The following PER2 variants were observed in gnomAD, a reference collection of about 807,000 sequenced individuals.
The protein encoded by PER2 is period circadian protein homolog 2.
PER2 carries 66 observed loss-of-function variants against 121.0 expected under a neutral mutation model. The ratio of observed to expected loss-of-function variants is 0.55; its 90% CI spans 0.45 to 0.67. The LOEUF is 0.67. PER2 is among the 30% of genes least tolerant of loss of function. PER2 has a pLI of 0.00. For missense variants in PER2, 1,521 were observed against 1,635.0 expected (o/e 0.93, Z 1.20); for synonymous variants, 684 against 659.9 (o/e 1.04, Z -0.56).
At position 238,251,676 on chromosome 2, in the gene PER2, C is replaced by G. The variant is rs1695604444; in HGVS notation, c.3197G>C (p.Cys1066Ser). ...LLNLLLNEDLCSASGSAASES... is the reference protein window; with the variant it reads ...LLNLLLNEDLSSASGSAASES... ...CGAAGCAGCAGAGCCCGAGGCTGAG[C>G]AGAGGTCCTCATTCAGCAGGAGGTT... The change falls in exon 20 of 23, where the codon TGC (cysteine) becomes TCC (serine). Residue 1066 changes from cysteine (C) to serine (S), a missense_variant. Coordinates refer to ENST00000254657, the MANE Select transcript of PER2 (RefSeq NM_022817.3). 1 of 1,614,030 alleles carries G rather than the reference C, an allele frequency of 6.2e-7. No homozygotes were observed. The highest frequency in any genetic ancestry group is 8.5e-7 in the Non-Finnish European group (1 of 1,179,864).
At chr2:238,263,140 A>G in intron 9 of PER2, 82 bp from the exon 10 acceptor site, 1 of 883,076 alleles carries the variant, frequency 1.1e-6, no homozygotes, top group East Asian at 2.6e-5. Flanking sequence ...TATTCCCTGG[A>G]AAGAGAAGAT....
intron 22 of PER2, 138 bp from the exon 23 acceptor site, chr2:238,246,662 G>A (rs1039960799): frequency 3.8e-5 from 22 of 576,404 alleles, no homozygotes; most frequent in African/African-American, 2.8e-4. Flanking sequence ...AGATCACGAC[G>A]TCAGGAGATC....
chr2:238,283,491 G>A (rs1176821775), intron 1 of PER2, among the ~76,000 whole-genome samples: 1 of 152,264 alleles, frequency 6.6e-6, no homozygotes, highest in Admixed American at 6.5e-5. Flanking sequence ...GAACATTCTA[G>A]GCAGGGGGAC....
chr2:238,289,287 A>G (rs1324319277), upstream of PER2: 1 of 152,146 alleles, frequency 6.6e-6, no homozygotes, highest in Non-Finnish European at 1.5e-5. Context: ...ATTCACATTC[A>G]TTCATTTACT....
At position 238,268,990 on chromosome 2, in the gene PER2, CAA is replaced by C. The variant is rs751202516; in HGVS notation, c.773-18_773-17del. The C allele has an allele frequency of 4.4e-6, 7 of 1,592,902 alleles. No individual in the cohort carries two copies. In the African/African-American group the frequency reaches 9.4e-5, roughly 21 times the overall value. ...GTAAAAGAATCTAAAAGAGAGAGCC[CAA>C]AGTCATTCATCCAAACCAACAACTA... On this transcript the variant is annotated splice_polypyrimidine_tract_variant and intron_variant, in intron 6 of 22. Coordinates refer to ENST00000254657, the MANE Select transcript of PER2 (RefSeq NM_022817.3). The surrounding 1 kb of genome is among the most constrained non-coding windows in gnomAD (Gnocchi z 4.0).
intron 12 of PER2, 131 bp from the exon 13 acceptor site, chr2:238,261,084 G>GGTT: frequency 8.8e-7 from 1 of 1,140,106 alleles, no homozygotes; most frequent in Non-Finnish European, 1.2e-6. Context: ...GAGACCAGGG[G>GGTT]AGCTGAGGTT....
intron 5 of PER2, among the ~76,000 whole-genome samples, chr2:238,272,597 T>TCG (rs1696323463): frequency 6.6e-6 from 1 of 152,238 alleles, no homozygotes. Context: ...GGCTGAGAAC[T>TCG]CAGAGTGGTA....
chr2:238,249,900 C>T (rs4280405), intron 21 of PER2, among the ~76,000 whole-genome samples: 23,551 of 152,270 alleles, frequency 0.15, 2,421 homozygotes, highest in East Asian at 0.27. Flanking sequence ...CTTCCCTGGC[C>T]CCGCAGGACT....
chr2:238,297,615 G>T, the PER2 span, among the ~76,000 whole-genome samples: 1 of 152,346 alleles, frequency 6.6e-6, no homozygotes, highest in Non-Finnish European at 1.5e-5. Flanking sequence ...TCCCTGCAGG[G>T]CAGTGGCAGA....
intron 12 of PER2, among the ~76,000 whole-genome samples, chr2:238,261,246 G>C (rs949863755): frequency 6.6e-6 from 1 of 152,214 alleles, no homozygotes; most frequent in Non-Finnish European, 1.5e-5. Flanking sequence ...TCTGTGGATG[G>C]GTTTAAAACA....
At chr2:238,269,333 A>G (rs2106315129) in intron 6 of PER2, among the ~76,000 whole-genome samples, 1 of 150,038 alleles carries the variant, frequency 6.7e-6, no homozygotes, top group African/African-American at 2.4e-5. Context: ...GCAACTGAAC[A>G]CACTCACGGT....
chr2:238,260,149 A>G (rs553904560), intron 13 of PER2, 96 bp from the exon 14 acceptor site: 1 of 676,110 alleles, frequency 1.5e-6, no homozygotes, highest in Admixed American at 2.4e-5. Flanking sequence ...AAATAATTTC[A>G]GCAACACAGA....
chr2:238,259,555 T>G (rs1157280393), intron 14 of PER2, among the ~76,000 whole-genome samples: 1 of 152,020 alleles, frequency 6.6e-6, no homozygotes, highest in Non-Finnish European at 1.5e-5. Context: ...TCGGCAGTTG[T>G]GTGTGTGTGT....
intron 1 of PER2, among the ~76,000 whole-genome samples, chr2:238,279,372 C>T (rs1191094465): frequency 2.0e-5 from 3 of 152,196 alleles, no homozygotes; most frequent in African/African-American, 4.8e-5. Context: ...CGCAGGAGAT[C>T]GTTCTACGGA....
chr2:238,277,983 A>G (rs770574809), intron 1 of PER2, 28 bp from the exon 2 acceptor site: 3 of 1,601,008 alleles, frequency 1.9e-6, no homozygotes, highest in South Asian at 1.1e-5. Flanking sequence ...GCTGTCACGC[A>G]TTAACAAGCA....
At position 238,277,863 on chromosome 2, in the gene PER2, T is replaced by C. The variant is rs2106325294; in HGVS notation, c.74A>G (p.Gln25Arg). The stretch of plus-strand genomic sequence containing the variant: ...GTCCACATCTTCCTGCAGTGGGACC[T>C]GGCTGGGCTGGGGCTCCACGGGCTC... ...TKEPVEPQPS[Q>R]VPLQEDVDMS... The change falls in exon 2 of 23, where the codon CAG (glutamine) becomes CGG (arginine). Residue 25 changes from glutamine to arginine, a missense_variant. Coordinates refer to ENST00000254657, the MANE Select transcript of PER2 (RefSeq NM_022817.3). The C allele has an allele frequency of 6.2e-7, 1 of 1,614,176 alleles. No homozygotes were observed. The highest frequency in any genetic ancestry group is 8.5e-7 in the Non-Finnish European group (1 of 1,180,032).
intron 1 of PER2, among the ~76,000 whole-genome samples, chr2:238,280,003 G>C (rs1696582555): frequency 6.6e-6 from 1 of 152,228 alleles, no homozygotes; most frequent in South Asian, 2.1e-4. Flanking sequence ...GATGCTTCGT[G>C]AGGAAGCTGT....
At chr2:238,273,013 C>A in intron 5 of PER2, 57 bp downstream of exon 5, 1 of 1,580,844 alleles carries the variant, frequency 6.3e-7, no homozygotes, top group Non-Finnish European at 8.7e-7. Context: ...TGAGCTAGCT[C>A]GCCTGCAGGA....
chr2:238,293,602 G>A (rs928035152), upstream of PER2, among the ~76,000 whole-genome samples: 3 of 151,948 alleles, frequency 2.0e-5, no homozygotes, highest in Non-Finnish European at 2.9e-5. Context: ...GGGCGTGGTG[G>A]CACATGTCTA....
Sources: gnomAD v4.1 joint callset for allele counts (sites outside exome capture counted in the v4.1 genomes callset) on GRCh38, gnomAD v4.1.1 for gene constraint, Gnocchi (gnomAD v3.1) non-coding constraint, MANE v1.5 for transcripts, NCBI Gene and HGNC (gene_info 2026-07-23, HGNC 2026-07-21) for gene names.